Variants in CHD1L observed in about 807,000 individuals in gnomAD.
The protein encoded by CHD1L is ATP-dependent chromatin remodeler CHD1L.
A neutral mutation model predicts 115.9 loss-of-function variants in CHD1L; 118 were observed. The observed-to-expected ratio is 1.02, with a 90% CI of 0.88 to 1.19. The LOEUF (loss-of-function observed/expected upper bound fraction) is 1.19. Ranked by LOEUF, CHD1L falls within the 50% of genes most tolerant of loss-of-function variation. The pLI is 0.00. For missense variants in CHD1L, 1,179 were observed against 1,065.3 expected, an observed-to-expected ratio of 1.11 and a Z score of -1.49; for synonymous variants, 411 against 387.1, an observed-to-expected ratio of 1.06 and a Z score of -0.72.
rs1223804965 is a variant in CHD1L at position 147,255,081 on chromosome 1, A to G, written c.347+105A>G. 16 of 777,386 alleles carry G rather than the reference A, an allele frequency of 2.1e-5. No homozygotes were observed. In the East Asian group the frequency reaches 4.4e-4, roughly 22 times the overall value. 48.2% of individuals were successfully genotyped at this position (777,386 alleles called of 1,614,324 possible). On this transcript the variant is annotated intron_variant, in intron 3 of 22. Transcript: ENST00000369258. Reference sequence around the variant, plus strand: ...AAACAACCTATTGTCGTAATTAGTAAGTTTATTCCAGAAAACTTTGAGCTG... The same window carrying G: ...AAACAACCTATTGTCGTAATTAGTAGGTTTATTCCAGAAAACTTTGAGCTG...
At chr1:147,235,630 TC>T in the CHD1L span, among the ~76,000 whole-genome samples, 1 of 152,168 alleles carries the variant, frequency 6.6e-6, no homozygotes, top group Non-Finnish European at 1.5e-5. Flanking sequence ...TGCTCATTTT[TC>T]AAAACTAAAA....
the CHD1L span, among the ~76,000 whole-genome samples, chr1:147,174,268 C>T: frequency 6.6e-6 from 1 of 152,188 alleles, no homozygotes; most frequent in Non-Finnish European, 1.5e-5. Flanking sequence ...CTACTTTTCT[C>T]CCTCCACCCC....
chr1:147,287,049 T>A (rs181539629), intron 18 of CHD1L, among the ~76,000 whole-genome samples: 41 of 152,378 alleles, frequency 2.7e-4, no homozygotes, highest in African/African-American at 9.6e-4. Context: ...ATTACCTATG[T>A]ATTTGTTTAT....
the CHD1L span, among the ~76,000 whole-genome samples, chr1:147,191,651 G>A: frequency 6.1e-5 from 9 of 147,772 alleles, no homozygotes; most frequent in Admixed American, 5.4e-4. Flanking sequence ...TCACTCTGAT[G>A]GTAGTTTCTT....
chr1:147,249,526 C>G (rs1019076108), intron 1 of CHD1L, among the ~76,000 whole-genome samples: 1 of 151,000 alleles, frequency 6.6e-6, no homozygotes, highest in Non-Finnish European at 1.5e-5. Flanking sequence ...GTGCCTCAGC[C>G]TCCCGAGTAG....
the CHD1L span, among the ~76,000 whole-genome samples, chr1:147,198,040 G>T: frequency 2.6e-5 from 4 of 152,156 alleles, no homozygotes; most frequent in East Asian, 7.7e-4. Flanking sequence ...AAAGCAGGTT[G>T]TATCTGTGTA....
intron 1 of CHD1L, among the ~76,000 whole-genome samples, chr1:147,246,757 ATACTC>A (rs1479238469): frequency 6.6e-6 from 1 of 152,158 alleles, no homozygotes; most frequent in Non-Finnish European, 1.5e-5. Flanking sequence ...GAGTTTTGAC[ATACTC>A]TAGTCTTTAT....
At chr1:147,234,658 A>G in the CHD1L span, among the ~76,000 whole-genome samples, 2 of 152,250 alleles carry the variant, frequency 1.3e-5, no homozygotes, top group African/African-American at 4.8e-5. Context: ...ATGGACAAAT[A>G]ACAATTGTCT....
the CHD1L span, among the ~76,000 whole-genome samples, chr1:147,183,034 C>T: frequency 1.3e-5 from 2 of 152,128 alleles, no homozygotes; most frequent in Non-Finnish European, 2.9e-5. Context: ...CCCGTCTCTA[C>T]TAAAAATACA....
intron 14 of CHD1L, among the ~76,000 whole-genome samples, chr1:147,279,303 G>A (rs187976887): frequency 1.4e-4 from 22 of 152,286 alleles, no homozygotes; most frequent in South Asian, 8.3e-4. Flanking sequence ...AGTGCTTACG[G>A]AGGTGCAAAG....
intron 6 of CHD1L, among the ~76,000 whole-genome samples, chr1:147,262,895 C>A (rs976203975): frequency 1.3e-5 from 2 of 152,062 alleles, no homozygotes; most frequent in African/African-American, 2.4e-5. Flanking sequence ...TACATTAACA[C>A]TTTAATGGTT....
intron 11 of CHD1L, among the ~76,000 whole-genome samples, chr1:147,271,383 T>C (rs6593753): frequency 0.035 from 5,270 of 152,280 alleles, 90 homozygotes; most frequent in African/African-American, 0.038. Flanking sequence ...AAAAGGTGAA[T>C]ATTGAAATTA....
At chr1:147,186,878 C>A in the CHD1L span, 2 of 1,589,288 alleles carry the variant, frequency 1.3e-6, no homozygotes. Context: ...CAATGAAAAA[C>A]AGGGCAGTGA....
chr1:147,184,391 A>G, the CHD1L span: 1 of 1,258,156 alleles, frequency 7.9e-7, no homozygotes, highest in African/African-American at 1.5e-5. The surrounding 1 kb of genome is among the most constrained non-coding windows in gnomAD (Gnocchi z 4.4). Context: ...TTGATACATT[A>G]TTAACCAAAA....
chr1:147,223,814 G>A, the CHD1L span: 3 of 282,498 alleles, frequency 1.1e-5, no homozygotes, highest in South Asian at 9.9e-5. Flanking sequence ...CCCAGGCTTC[G>A]CACTGCCAAA....
At chr1:147,236,305 CCTT>C in the CHD1L span, among the ~76,000 whole-genome samples, 1 of 152,184 alleles carries the variant, frequency 6.6e-6, no homozygotes, top group South Asian at 2.1e-4. Flanking sequence ...GCTCCTCTCT[CCTT>C]CTCTCTTCTC....
the CHD1L span, chr1:147,225,926 G>A: frequency 6.6e-6 from 1 of 152,200 alleles, no homozygotes; most frequent in South Asian, 2.1e-4. Flanking sequence ...ACGTGAAAGG[G>A]TCGTGATACA....
chr1:147,202,309 G>GTCTTTTTT, the CHD1L span, among the ~76,000 whole-genome samples: 1 of 118,436 alleles, frequency 8.4e-6, no homozygotes, highest in African/African-American at 3.2e-5. Context: ...CTAAAAAGCA[G>GTCTTTTTT]TTCTTTTTTT....
At chr1:147,243,625 C>G (rs1232927982) in intron 1 of CHD1L, among the ~76,000 whole-genome samples, 4 of 152,132 alleles carry the variant, frequency 2.6e-5, no homozygotes, top group Non-Finnish European at 5.9e-5. Flanking sequence ...CCGCCCCAGC[C>G]TCGTTTTCCT....
Sources: allele counts gnomAD v4.1 joint callset (sites outside exome capture counted in the v4.1 genomes callset), GRCh38; gene constraint gnomAD v4.1.1; non-coding constraint Gnocchi (gnomAD v3.1); transcripts MANE v1.5; gene names NCBI Gene and HGNC (gene_info 2026-07-23, HGNC 2026-07-21).